NRG3: variants seen among roughly 807,000 people sequenced by gnomAD.
NRG3 encodes pro-neuregulin-3, membrane-bound isoform.
In NRG3, 31 loss-of-function variants were observed where a neutral mutation model predicts 66.9. The observed-to-expected ratio is 0.46, with a 90% CI of 0.35 to 0.63. The LOEUF is 0.63. Ranked by LOEUF, NRG3 falls within the 20% of genes least tolerant of loss-of-function variation. The pLI is 0.00. For missense variants in NRG3, 910 were observed against 878.9 expected, an observed-to-expected ratio of 1.04 and a Z score of -0.45; for synonymous variants, 393 against 359.4, an observed-to-expected ratio of 1.09 and a Z score of -1.06.
intron 2 of NRG3, among the ~76,000 whole-genome samples, chr10:82,600,469 T>G (rs1226544383): frequency 6.6e-6 from 1 of 152,174 alleles, no homozygotes; most frequent in Non-Finnish European, 1.5e-5. Context: ...AGTATCTTAT[T>G]TATTTATTTG....
chr10:82,520,101 C>A (rs1190040188), intron 2 of NRG3, among the ~76,000 whole-genome samples: 2 of 150,580 alleles, frequency 1.3e-5, no homozygotes, highest in African/African-American at 4.9e-5. Flanking sequence ...TTCTCCTGGA[C>A]TAGTGTGTTA....
intron 2 of NRG3, among the ~76,000 whole-genome samples, chr10:82,680,227 G>T (rs1181835222): frequency 1.3e-5 from 2 of 152,166 alleles, no homozygotes; most frequent in Non-Finnish European, 2.9e-5. Context: ...TATATCTTGA[G>T]CAATGCCTCA....
At chr10:82,152,816 CTCTT>C (rs1323722261) in intron 1 of NRG3, among the ~76,000 whole-genome samples, 4 of 150,380 alleles carry the variant, frequency 2.7e-5, no homozygotes, top group African/African-American at 7.3e-5. Flanking sequence ...CCCTCTCTCT[CTCTT>C]TTTCTTTCTC....
intron 1 of NRG3, among the ~76,000 whole-genome samples, chr10:82,356,367 G>C (rs1181671946): frequency 6.6e-6 from 1 of 152,176 alleles, no homozygotes; most frequent in Non-Finnish European, 1.5e-5. Flanking sequence ...AGAAATTAAA[G>C]GAAAAGTTAA....
At chr10:82,240,245 T>A (rs2076948894) in intron 1 of NRG3, among the ~76,000 whole-genome samples, 1 of 151,864 alleles carries the variant, frequency 6.6e-6, no homozygotes, top group Non-Finnish European at 1.5e-5. Context: ...AAAACTGAAA[T>A]TAAAGAGAAA....
At position 82,910,754 on chromosome 10, in the gene NRG3, T is replaced by A. The variant is rs949513810; in HGVS notation, c.1055-40715T>A. Reference sequence around the variant, plus strand: ...GCCATGTGACCAGGGTATCCTTAGATCAATGATGAGTAAATATAAAAACAC... The same window carrying A: ...GCCATGTGACCAGGGTATCCTTAGAACAATGATGAGTAAATATAAAAACAC... On this transcript the variant is annotated intron_variant, in intron 4 of 8. Coordinates refer to ENST00000372141, the MANE Select transcript of NRG3 (RefSeq NM_001010848.4). 4.6e-5 allele frequency among the ~76,000 whole-genome samples: 7 copies of A among 152,344 alleles called. No homozygotes were observed. The East Asian group carries it at 1.2e-3, about 25-fold the overall frequency.
chr10:82,512,449 C>G lies in NRG3; in HGVS notation c.953+153581C>G, dbSNP rs369688821. On this transcript the variant is annotated intron_variant, in intron 2 of 8. Coordinates refer to ENST00000372141, the MANE Select transcript of NRG3 (RefSeq NM_001010848.4). ...TATAGGCATATGCCACCACGCTTGG[C>G]TAATTTTTGTATTTTTAGTAGAGAT... is the stretch of plus-strand genomic sequence containing the variant. 4.6e-5 allele frequency among the ~76,000 whole-genome samples: 7 copies of G among 152,122 alleles called. No homozygotes were observed. The East Asian group carries it at 1.4e-3, about 29-fold the overall frequency.
chr10:82,642,854 G>A (rs759029072), intron 2 of NRG3, among the ~76,000 whole-genome samples: 1 of 151,840 alleles, frequency 6.6e-6, no homozygotes, highest in Non-Finnish European at 1.5e-5. Context: ...ACCTTTAGGT[G>A]AAATAATAGT....
At chr10:82,596,777 G>A (rs1415411124) in intron 2 of NRG3, among the ~76,000 whole-genome samples, 1 of 152,156 alleles carries the variant, frequency 6.6e-6, no homozygotes, top group Non-Finnish European at 1.5e-5. Flanking sequence ...TGCAAATCCG[G>A]CAGTATGGCT....
chr10:82,196,664 C>A (rs1171931653), intron 1 of NRG3, among the ~76,000 whole-genome samples: 1 of 152,198 alleles, frequency 6.6e-6, no homozygotes, highest in Admixed American at 6.5e-5. Flanking sequence ...ATACTTACTT[C>A]TCATTCTTGG....
At chr10:82,181,528 C>G (rs2073415326) in intron 1 of NRG3, among the ~76,000 whole-genome samples, 2 of 151,590 alleles carry the variant, frequency 1.3e-5, no homozygotes, top group Non-Finnish European at 3.0e-5. Context: ...AGTGGTTGTT[C>G]CAGAGTGTAT....
chr10:82,207,832 A>T (rs1294450735), intron 1 of NRG3, among the ~76,000 whole-genome samples: 1 of 152,130 alleles, frequency 6.6e-6, no homozygotes. Context: ...GCATGGGGAG[A>T]AACTGCCCCC....
At chr10:82,632,305 A>G (rs2049898284) in intron 2 of NRG3, among the ~76,000 whole-genome samples, 1 of 152,174 alleles carries the variant, frequency 6.6e-6, no homozygotes, top group Non-Finnish European at 1.5e-5. Flanking sequence ...ACTTGAAGAT[A>G]TATTCTGCCT....
At position 81,947,317 on chromosome 10, in the gene NRG3, A is replaced by G. The variant is rs148557154; in HGVS notation, c.823+71154A>G. Among the ~76,000 whole-genome samples, 693 of 152,258 alleles carry G rather than the reference A, an allele frequency of 4.6e-3. 8 individuals are homozygous for G. Among genetic ancestry groups the G allele is most frequent in the Middle Eastern group, 0.014 (4 of 294 alleles). On this transcript the variant is annotated intron_variant, in intron 1 of 8. Transcript: ENST00000372141. ...CTCATTTTAATTCCATCAGCTCTCT[A>G]AAGACCTCATTTCCAAATAAGATTG... is the stretch of plus-strand genomic sequence containing the variant.
At chr10:82,408,083 G>GA (rs2087712225) in intron 2 of NRG3, among the ~76,000 whole-genome samples, 6 of 106,370 alleles carry the variant, frequency 5.6e-5, no homozygotes, top group African/African-American at 8.9e-5. Context: ...GAGAGAGAGA[G>GA]ACAGAAAGAA....
At chr10:81,917,265 C>A (rs928185596) in intron 1 of NRG3, among the ~76,000 whole-genome samples, 1 of 152,188 alleles carries the variant, frequency 6.6e-6, no homozygotes, top group African/African-American at 2.4e-5. Context: ...ATTTGGAATG[C>A]ATCTCTCCTT....
intron 8 of NRG3, chr10:82,984,695 A>C: frequency 7.4e-7 from 1 of 1,348,838 alleles, no homozygotes; most frequent in Non-Finnish European, 1.0e-6. Flanking sequence ...GAGTTGATGG[A>C]GTGGACTAAT....
At chr10:82,570,731 C>T (rs1040391146) in intron 2 of NRG3, among the ~76,000 whole-genome samples, 9 of 151,622 alleles carry the variant, frequency 5.9e-5, no homozygotes, top group African/African-American at 1.2e-4. Flanking sequence ...TCTCCCGGAA[C>T]GTGGTTTGAT....
At chr10:82,508,782 A>C (rs774180517) in intron 2 of NRG3, among the ~76,000 whole-genome samples, 1 of 152,178 alleles carries the variant, frequency 6.6e-6, no homozygotes, top group Admixed American at 6.5e-5. Flanking sequence ...CTTCCAGGCA[A>C]ATCAGTATAA....
Sources: allele counts gnomAD v4.1 joint callset (sites outside exome capture counted in the v4.1 genomes callset), GRCh38; gene constraint gnomAD v4.1.1; transcripts MANE v1.5; gene names NCBI Gene and HGNC (gene_info 2026-07-23, HGNC 2026-07-21).